SCAND3: variants seen among roughly 807,000 people sequenced by gnomAD.
SCAND3 encodes the protein SCAN domain-containing protein 3.
At chr6:28,604,656 C>A in the SCAND3 span, among the ~76,000 whole-genome samples, 1 of 150,926 alleles carries the variant, frequency 6.6e-6, no homozygotes, top group Non-Finnish European at 1.5e-5. Context: ...ATATTTATTT[C>A]TTGAATCTAA....
At chr6:28,575,331 T>A in the SCAND3 span, 1 of 1,614,034 alleles carries the variant, frequency 6.2e-7, no homozygotes, top group Non-Finnish European at 8.5e-7. The surrounding 1 kb of genome is among the most constrained non-coding windows in gnomAD (Gnocchi z 4.2). Flanking sequence ...CATGGACAAT[T>A]TTCAATTCTG....
the SCAND3 span, among the ~76,000 whole-genome samples, chr6:28,584,158 C>A: frequency 6.6e-6 from 1 of 152,064 alleles, no homozygotes; most frequent in Non-Finnish European, 1.5e-5. Flanking sequence ...GTATAGGCAA[C>A]CAATATCTTG....
At chr6:28,575,649 G>A in the SCAND3 span, 2 of 1,613,994 alleles carry the variant, frequency 1.2e-6, no homozygotes, top group African/African-American at 2.7e-5. The surrounding 1 kb of genome is among the most constrained non-coding windows in gnomAD (Gnocchi z 4.2). Flanking sequence ...TTTTCTGTTG[G>A]CATGGTTTAC....
chr6:28,607,759 T>C, the SCAND3 span, among the ~76,000 whole-genome samples: 1 of 152,118 alleles, frequency 6.6e-6, no homozygotes, highest in Non-Finnish European at 1.5e-5. Context: ...GCCTCCCAAG[T>C]CTAACCCGAA....
the SCAND3 span, among the ~76,000 whole-genome samples, chr6:28,612,298 A>G: frequency 5.3e-5 from 8 of 151,984 alleles, no homozygotes; most frequent in Non-Finnish European, 8.8e-5. Context: ...TCAGCCTCCC[A>G]AAGTGCTGGG....
chr6:28,594,852 G>T, the SCAND3 span, among the ~76,000 whole-genome samples: 1 of 152,078 alleles, frequency 6.6e-6, no homozygotes, highest in African/African-American at 2.4e-5. Flanking sequence ...GAAATAGAGA[G>T]ATTAGAATAA....
chr6:28,601,837 G>A, the SCAND3 span, among the ~76,000 whole-genome samples: 1 of 152,114 alleles, frequency 6.6e-6, no homozygotes, highest in Non-Finnish European at 1.5e-5. Context: ...CACTCTTAAG[G>A]CTCCACCGAT....
chr6:28,574,575 C>A, the SCAND3 span: 1 of 1,362,640 alleles, frequency 7.3e-7, no homozygotes, highest in South Asian at 1.3e-5. Context: ...TGTCACACAA[C>A]ACTTATTCAC....
At chr6:28,609,927 G>A in the SCAND3 span, among the ~76,000 whole-genome samples, 2 of 152,184 alleles carry the variant, frequency 1.3e-5, no homozygotes, top group Admixed American at 1.3e-4. Flanking sequence ...TGACCTTCAA[G>A]AAATAAATGG....
At chr6:28,573,431 A>G in the SCAND3 span, 5 of 1,614,124 alleles carry the variant, frequency 3.1e-6, no homozygotes, top group South Asian at 3.3e-5. Context: ...GAAGCCCGCA[A>G]AGCACTAATG....
chr6:28,575,932 T>C, the SCAND3 span: 1 of 1,613,772 alleles, frequency 6.2e-7, no homozygotes, highest in Non-Finnish European at 8.5e-7. This position sits in a 1 kb window ranked among gnomAD's most constrained non-coding sequence, Gnocchi z 4.2. Context: ...AGCTTTAGCT[T>C]CTTTCACTTC....
At chr6:28,595,679 A>G in the SCAND3 span, among the ~76,000 whole-genome samples, 1 of 151,922 alleles carries the variant, frequency 6.6e-6, no homozygotes, top group Non-Finnish European at 1.5e-5. Context: ...CTGAGATCAC[A>G]CAATTGCACT....
the SCAND3 span, among the ~76,000 whole-genome samples, chr6:28,578,247 A>G: frequency 6.6e-6 from 1 of 152,214 alleles, no homozygotes. Context: ...CAATTGTTCC[A>G]GTAAGGCTTC....
the SCAND3 span, chr6:28,575,915 T>C: frequency 6.2e-7 from 1 of 1,614,012 alleles, no homozygotes; most frequent in East Asian, 2.2e-5. This position sits in a 1 kb window ranked among gnomAD's most constrained non-coding sequence, Gnocchi z 4.2. Flanking sequence ...GATTCCTTTT[T>C]CGCCTTAGCT....
the SCAND3 span, among the ~76,000 whole-genome samples, chr6:28,610,832 C>T: frequency 6.1e-3 from 928 of 152,190 alleles, 13 homozygotes; most frequent in African/African-American, 0.02. Flanking sequence ...TGTAATCTTG[C>T]TTTTTTTGGG....
chr6:28,572,867 T>C, the SCAND3 span: 7 of 1,613,898 alleles, frequency 4.3e-6, no homozygotes, highest in African/African-American at 8.0e-5. This position sits in a 1 kb window ranked among gnomAD's most constrained non-coding sequence, Gnocchi z 4.1. Flanking sequence ...ATTTTTTTCA[T>C]GGCAAGACTT....
chr6:28,587,023 C>T, the SCAND3 span: 19 of 370,434 alleles, frequency 5.1e-5, no homozygotes, highest in South Asian at 7.1e-4. Context: ...AGACAGAAAA[C>T]CGAGGTTATG....
chr6:28,579,723 T>C, the SCAND3 span, among the ~76,000 whole-genome samples: 1 of 152,056 alleles, frequency 6.6e-6, no homozygotes, highest in Non-Finnish European at 1.5e-5. The surrounding 1 kb of genome is among the most constrained non-coding windows in gnomAD (Gnocchi z 4.5). Context: ...CTGAAAAAAA[T>C]TGTAAATGAG....
chr6:28,607,056 T>C, the SCAND3 span, among the ~76,000 whole-genome samples: 30 of 152,374 alleles, frequency 2.0e-4, 1 homozygote, highest in Admixed American at 1.7e-3. Flanking sequence ...GTTTCACAAA[T>C]TGCGGAGTTT....
Sources: gnomAD v4.1 joint callset for allele counts (sites outside exome capture counted in the v4.1 genomes callset) on GRCh38, gnomAD v4.1.1 for gene constraint, Gnocchi (gnomAD v3.1) non-coding constraint, MANE v1.5 for transcripts, NCBI Gene and HGNC (gene_info 2026-07-23, HGNC 2026-07-21) for gene names.